GABRB2: variants seen among roughly 807,000 people sequenced by gnomAD.
GABRB2 encodes the protein gamma-aminobutyric acid type A receptor subunit beta2, also known as gamma-aminobutyric acid receptor subunit beta-2.
A neutral mutation model predicts 54.7 loss-of-function variants in GABRB2; 16 were observed. The observed-to-expected ratio is 0.29, with a 90% CI of 0.20 to 0.44. The LOEUF (loss-of-function observed/expected upper bound fraction) is 0.44. Ranked by LOEUF, GABRB2 falls within the 20% of genes least tolerant of loss-of-function variation. The pLI is 1.00. For missense variants in GABRB2, 355 were observed against 644.0 expected, an observed-to-expected ratio of 0.55 and a Z score of 4.86; for synonymous variants, 244 against 233.8, an observed-to-expected ratio of 1.04 and a Z score of -0.40.
upstream of GABRB2, chr5:161,547,066 G>A (rs529499711): frequency 3.0e-4 from 50 of 165,178 alleles, no homozygotes; most frequent in Non-Finnish European, 5.5e-4. Context: ...AAAATTAGAG[G>A]AGAGCAGGTG....
intron 3 of GABRB2, among the ~76,000 whole-genome samples, chr5:161,490,681 T>C (rs926352353): frequency 2.6e-5 from 4 of 151,680 alleles, no homozygotes; most frequent in African/African-American, 9.7e-5. Context: ...AGTAACTTGA[T>C]AGAAATTTCA....
intron 3 of GABRB2, among the ~76,000 whole-genome samples, chr5:161,488,923 A>G (rs760810221): frequency 6.6e-6 from 1 of 151,792 alleles, no homozygotes; most frequent in Non-Finnish European, 1.5e-5. Flanking sequence ...TGTTGCAAAG[A>G]TCATGATTTT....
In GABRB2 at chr5:161,459,820, G is replaced by C. The variant is rs1561658006; in HGVS notation, c.262C>G (p.Gln88Glu). The C allele has an allele frequency of 6.2e-7, 1 of 1,612,522 alleles. No homozygotes were observed. Among genetic ancestry groups the C allele is most frequent in the Non-Finnish European group, 8.5e-7 (1 of 1,178,664 alleles). Residue 88 changes from glutamine to glutamate, a missense_variant, in exon 4 of 10, where the codon CAA becomes GAA. Physicochemically the swap from Gln to Glu is conservative, Grantham distance 29 (BLOSUM62 2). Around this residue, in one of 6 missense-constraint regions of GABRB2, gnomAD observed 42 missense variants for 99.7 expected, o/e 0.42. Coordinates refer to ENST00000393959, the MANE Select transcript of GABRB2 (RefSeq NM_001371727.1). ...NMDYTLTMYFQQAWRDKRLSY... is the reference protein window; with the variant it reads ...NMDYTLTMYFEQAWRDKRLSY... ...AGCCTCTTATCTCTCCAGGCTTGTT[G>C]AAAGTACATTGTCAAGGTATAATCC...
At chr5:161,358,474 T>G (rs1349189289) in intron 5 of GABRB2, among the ~76,000 whole-genome samples, 1 of 151,950 alleles carries the variant, frequency 6.6e-6, no homozygotes, top group African/African-American at 2.4e-5. Context: ...CTGGGGAAAA[T>G]TAATTTTTTT....
chr5:161,510,976 A>G (rs1224169530), intron 3 of GABRB2, among the ~76,000 whole-genome samples: 1 of 151,974 alleles, frequency 6.6e-6, no homozygotes, highest in African/African-American at 2.4e-5. Context: ...TGATGATCAC[A>G]TTGTAGTAAC....
At chr5:161,418,892 C>T (rs1756761983) in intron 4 of GABRB2, among the ~76,000 whole-genome samples, 1 of 151,942 alleles carries the variant, frequency 6.6e-6, no homozygotes, top group Non-Finnish European at 1.5e-5. Context: ...TTTGGGATGC[C>T]GAGGAGGGCA....
chr5:161,491,623 G>T (rs766273997), intron 3 of GABRB2, among the ~76,000 whole-genome samples: 1 of 151,508 alleles, frequency 6.6e-6, no homozygotes, highest in Non-Finnish European at 1.5e-5. Context: ...TTGCCTGAGG[G>T]TATAGTGGGA....
In GABRB2 at chr5:161,381,479, A is replaced by G. The variant is rs376031032; in HGVS notation, c.541+29496T>C. 5.3e-5 allele frequency among the ~76,000 whole-genome samples: 8 copies of G among 152,148 alleles called. No homozygotes were observed. In the East Asian group the frequency reaches 1.5e-3, roughly 29 times the overall value. Reference sequence around the variant, plus strand: ...AGGGTGGGGAATTAAGGGTGAAAAGAGAGTCTGCAGGTGATTTGTATAGAT... The same window carrying G: ...AGGGTGGGGAATTAAGGGTGAAAAGGGAGTCTGCAGGTGATTTGTATAGAT... On this transcript the variant is annotated intron_variant, in intron 5 of 9. Transcript: ENST00000393959.
intron 4 of GABRB2, among the ~76,000 whole-genome samples, chr5:161,441,674 T>C (rs1757469716): frequency 6.6e-6 from 1 of 152,156 alleles, no homozygotes; most frequent in African/African-American, 2.4e-5. Flanking sequence ...CAGCACTGTT[T>C]ACAATGGCTA....
chr5:161,487,038 C>T (rs1309194813), intron 3 of GABRB2, among the ~76,000 whole-genome samples: 1 of 151,884 alleles, frequency 6.6e-6, no homozygotes, highest in Non-Finnish European at 1.5e-5. Context: ...TTCCTTATTC[C>T]ATAGCTTGTC....
chr5:161,546,121 G>C (rs938784960), intron 2 of GABRB2, among the ~76,000 whole-genome samples: 12 of 152,240 alleles, frequency 7.9e-5, no homozygotes, highest in African/African-American at 2.2e-4. Flanking sequence ...TACACACTAA[G>C]AGGGTCTCAT....
intron 9 of GABRB2, among the ~76,000 whole-genome samples, chr5:161,313,862 TCGAG>T (rs1188227770): frequency 6.6e-6 from 1 of 152,196 alleles, no homozygotes; most frequent in African/African-American, 2.4e-5. Context: ...CAATCTATAA[TCGAG>T]TAGGTTTGAT....
chr5:161,294,097 A>C lies in GABRB2; in HGVS notation c.1523T>G (p.Leu508Arg), dbSNP rs1757312003. Reference sequence around the variant, plus strand: ...GGCCATGTTTTAGTTCACATAATAAAGCCAATAGACGATGTTGAAGAAGGA... The same window carrying C: ...GGCCATGTTTTAGTTCACATAATAACGCCAATAGACGATGTTGAAGAAGGA... The part of the protein sequence containing the change: ...VFSFFNIVYW[L>R]YYVN Residue 508 changes from leucine to arginine, a missense_variant, in exon 10 of 10, where the codon CTT (leucine) becomes CGT (arginine). Leu to Arg is a moderately radical substitution (Grantham distance 102, BLOSUM62 -2). Around this residue, in one of 6 missense-constraint regions of GABRB2, gnomAD observed 201 missense variants for 228.1 expected, o/e 0.88. Coordinates refer to ENST00000393959, the MANE Select transcript of GABRB2 (RefSeq NM_001371727.1). 2 of 1,612,214 alleles carry C rather than the reference A, an allele frequency of 1.2e-6. No homozygotes were observed. The highest frequency in any genetic ancestry group is 1.7e-6 in the Non-Finnish European group (2 of 1,178,418).
At chr5:161,402,758 T>C (rs1262377436) in intron 5 of GABRB2, among the ~76,000 whole-genome samples, 1 of 152,104 alleles carries the variant, frequency 6.6e-6, no homozygotes, top group Non-Finnish European at 1.5e-5. Context: ...AGGTCCACTG[T>C]GTTAGAAAGC....
intron 3 of GABRB2, among the ~76,000 whole-genome samples, chr5:161,497,799 A>C (rs144024601): frequency 6.6e-6 from 1 of 152,136 alleles, no homozygotes; most frequent in African/African-American, 2.4e-5. Flanking sequence ...GCCTTGGGGC[A>C]TTCATTTCAT....
At chr5:161,456,538 C>G (rs1289740262) in intron 4 of GABRB2, among the ~76,000 whole-genome samples, 1 of 152,140 alleles carries the variant, frequency 6.6e-6, no homozygotes, top group East Asian at 1.9e-4. Context: ...ATAAGCAGGA[C>G]AGAATAGTGA....
At chr5:161,459,591 G>A (rs747637681) in intron 4 of GABRB2, 33 bp downstream of exon 4, 11 of 1,555,764 alleles carry the variant, frequency 7.1e-6, no homozygotes, top group Non-Finnish European at 9.7e-6. Context: ...TTTTGTTCAG[G>A]AAAAGTTATA....
At chr5:161,490,664 A>C (rs547654250) in intron 3 of GABRB2, among the ~76,000 whole-genome samples, 2 of 151,812 alleles carry the variant, frequency 1.3e-5, no homozygotes, top group Admixed American at 1.3e-4. Flanking sequence ...TGGGTCTAAA[A>C]TTAGTGAGTA....
intron 5 of GABRB2, among the ~76,000 whole-genome samples, chr5:161,364,762 G>A (rs1580920071): frequency 6.6e-6 from 1 of 152,228 alleles, no homozygotes; most frequent in East Asian, 1.9e-4. Flanking sequence ...TCTAGTCACT[G>A]TAATTATTAC....
Sources: gnomAD v4.1 joint callset for allele counts (sites outside exome capture counted in the v4.1 genomes callset) on GRCh38, gnomAD v4.1.1 for gene constraint, gnomAD v4.1.1 regional missense constraint, MANE v1.5 for transcripts, NCBI Gene and HGNC (gene_info 2026-07-23, HGNC 2026-07-21) for gene names.